Variants in CEMIP observed in about 807,000 individuals in gnomAD.
CEMIP encodes cell migration inducing hyaluronidase 1.
Under a neutral mutation model 156.9 loss-of-function variants are expected in CEMIP, and 105 were observed. The ratio of observed to expected loss-of-function variants is 0.67; its 90% CI spans 0.57 to 0.79. CEMIP has a LOEUF of 0.79. Among genes scored for constraint, CEMIP ranks in the 30% least tolerant of loss-of-function variants. The probability of loss-of-function intolerance (pLI) is 0.00; values close to 1 mark genes in which losing one functional copy is unlikely to be tolerated. For missense variants in CEMIP, 1,457 were observed against 1,769.4 expected, an observed-to-expected ratio of 0.82 and a Z score of 3.17; for synonymous variants, 676 against 668.4, an observed-to-expected ratio of 1.01 and a Z score of -0.17.
At chr15:80,871,925 CTGT>C (rs1300217698) in intron 1 of CEMIP, among the ~76,000 whole-genome samples, 2 of 152,176 alleles carry the variant, frequency 1.3e-5, no homozygotes, top group African/African-American at 4.8e-5. Flanking sequence ...AGAATGGGCC[CTGT>C]TGTTCTCGGC....
intron 1 of CEMIP, among the ~76,000 whole-genome samples, chr15:80,796,788 G>A (rs985147705): frequency 3.9e-5 from 6 of 152,152 alleles, no homozygotes; most frequent in African/African-American, 1.4e-4. Context: ...AGCGTGGGGT[G>A]GGTGACTGGG....
rs571184617 is a variant in CEMIP, at chr15:80,810,651, G to A, written c.-176+31037G>A. 8.9e-4 allele frequency among the ~76,000 whole-genome samples: 136 copies of A among 152,264 alleles called. No homozygotes were observed. In the Middle Eastern group the frequency reaches 0.014, roughly 15 times the overall value. ...ATTACAGGCGTGAGCCACCATGCCC[G>A]GCCTACCTGTGTTCTTTAAACTTGT... On this transcript the variant is annotated intron_variant, in intron 1 of 29. Transcript: ENST00000394685.
At chr15:80,837,285 T>C (rs1056236316) in intron 1 of CEMIP, among the ~76,000 whole-genome samples, 1 of 151,774 alleles carries the variant, frequency 6.6e-6, no homozygotes, top group African/African-American at 2.4e-5. Context: ...GACAGACAGA[T>C]GGATATGCAA....
chr15:80,949,050 C>A lies in CEMIP; in HGVS notation c.*126C>A, dbSNP rs563797051. 3 of 1,279,954 alleles carry A rather than the reference C, an allele frequency of 2.3e-6. No homozygotes were observed. Among genetic ancestry groups the A allele is most frequent in the East Asian group, 2.3e-5 (1 of 43,248 alleles). 79.3% of individuals were successfully genotyped at this position (1,279,954 alleles called of 1,614,324 possible). A position where few individuals can be genotyped will look rare whatever the true frequency, so the allele number is the denominator to read the frequency against. On this transcript the variant is annotated 3_prime_UTR_variant, in exon 30 of 30. Transcript: ENST00000394685. ...CTGCCTGGGAAGGCCGTGTTTCAGC[C>A]CTGATGGGCCAAGGGAAGGCTATCA...
At chr15:80,931,757 C>T (rs932650940) in intron 21 of CEMIP, 102 bp from the exon 22 acceptor site, 1 of 1,213,350 alleles carries the variant, frequency 8.2e-7, no homozygotes, top group Non-Finnish European at 1.2e-6. Context: ...TACCATCCAC[C>T]TCAGAAGGGG....
chr15:80,839,457 C>A (rs1567064758), intron 1 of CEMIP, among the ~76,000 whole-genome samples: 1 of 152,138 alleles, frequency 6.6e-6, no homozygotes, highest in African/African-American at 2.4e-5. Flanking sequence ...AGTGCAAAGT[C>A]CTGGGCTCCC....
chr15:80,888,578 A>C, intron 8 of CEMIP, 123 bp from the exon 9 acceptor site: 1 of 731,484 alleles, frequency 1.4e-6, no homozygotes, highest in Non-Finnish European at 2.4e-6. Flanking sequence ...TATTTACTTA[A>C]AAAATATTTT....
At chr15:80,791,727 C>T (rs1183369862) in intron 1 of CEMIP, among the ~76,000 whole-genome samples, 4 of 152,140 alleles carry the variant, frequency 2.6e-5, no homozygotes, top group African/African-American at 4.8e-5. Context: ...TTTTTGTGAG[C>T]TGTGCAGATA....
intron 3 of CEMIP, among the ~76,000 whole-genome samples, chr15:80,875,802 A>G (rs1453188020): frequency 6.6e-6 from 1 of 152,164 alleles, no homozygotes; most frequent in African/African-American, 2.4e-5. Flanking sequence ...TTTCTGATTC[A>G]TACAAATGAA....
chr15:80,811,413 G>T (rs752839190), intron 1 of CEMIP, among the ~76,000 whole-genome samples: 1 of 152,148 alleles, frequency 6.6e-6, no homozygotes, highest in Non-Finnish European at 1.5e-5. Context: ...TGGAGGGCTG[G>T]ATCAATGGCA....
chr15:80,931,752 T>C, intron 21 of CEMIP, 107 bp from the exon 22 acceptor site: 1 of 1,098,454 alleles, frequency 9.1e-7, no homozygotes, highest in South Asian at 1.3e-5. Context: ...TCTGCTACCA[T>C]CCACCTCAGA....
intron 1 of CEMIP, among the ~76,000 whole-genome samples, chr15:80,867,382 G>T (rs891580569): frequency 6.6e-6 from 1 of 152,368 alleles, no homozygotes; most frequent in African/African-American, 2.4e-5. Context: ...AGAGAGACCA[G>T]GCTTTGGAGG....
At chr15:80,827,546 G>C (rs1897064675) in intron 1 of CEMIP, among the ~76,000 whole-genome samples, 1 of 149,794 alleles carries the variant, frequency 6.7e-6, no homozygotes, top group Admixed American at 6.6e-5. Context: ...TTGAACCCGG[G>C]AGGTGGAGGT....
intron 4 of CEMIP, among the ~76,000 whole-genome samples, chr15:80,879,408 T>C (rs1034224291): frequency 1.3e-5 from 2 of 152,196 alleles, no homozygotes; most frequent in Non-Finnish European, 2.9e-5. Context: ...ATAAGCAATC[T>C]AGAGATGATT....
intron 1 of CEMIP, among the ~76,000 whole-genome samples, chr15:80,782,125 G>A (rs1249119593): frequency 6.6e-6 from 1 of 152,216 alleles, no homozygotes; most frequent in African/African-American, 2.4e-5. Flanking sequence ...AAAGATAAAA[G>A]TAAGTTGTTT....
intron 7 of CEMIP, among the ~76,000 whole-genome samples, chr15:80,884,985 G>A (rs562248348): frequency 2.2e-4 from 34 of 152,162 alleles, no homozygotes; most frequent in African/African-American, 7.5e-4. Context: ...AACGTGTGCC[G>A]CGATGGTTTG....
chr15:80,811,686 C>A (rs1441206527), intron 1 of CEMIP, among the ~76,000 whole-genome samples: 1 of 152,188 alleles, frequency 6.6e-6, no homozygotes, highest in African/African-American at 2.4e-5. Flanking sequence ...TCCTGAGTAG[C>A]TGAGGCCACA....
intron 1 of CEMIP, among the ~76,000 whole-genome samples, chr15:80,832,872 C>A (rs1406253125): frequency 6.6e-6 from 1 of 152,166 alleles, no homozygotes; most frequent in Non-Finnish European, 1.5e-5. Context: ...GGGCTGGAAG[C>A]ATCTGAGGCT....
At position 80,879,865 on chromosome 15, in the gene CEMIP, C is replaced by T. The variant is rs374717786; in HGVS notation, c.380+11C>T. 1 of 1,613,850 alleles carries T rather than the reference C, an allele frequency of 6.2e-7. No homozygotes were observed. The highest frequency in any genetic ancestry group is 1.3e-5 in the African/African-American group (1 of 74,884). On this transcript the variant is annotated intron_variant, in intron 5 of 29. Coordinates refer to ENST00000394685, the MANE Select transcript of CEMIP (RefSeq NM_001293298.2). ...CATTTTGTATGGAAGGTGCGTAGAC[C>T]ACTCCTACAGATCAAATGCTACCCA... is the stretch of plus-strand genomic sequence containing the variant.
Sources: gnomAD v4.1 joint callset for allele counts (sites outside exome capture counted in the v4.1 genomes callset) on GRCh38, gnomAD v4.1.1 for gene constraint, MANE v1.5 for transcripts, NCBI Gene and HGNC (gene_info 2026-07-23, HGNC 2026-07-21) for gene names.